Variants in SLC66A1 observed in about 807,000 individuals in gnomAD.
SLC66A1 encodes lysosomal amino acid transporter 1 homolog.
Under a neutral mutation model 33.0 loss-of-function variants are expected in SLC66A1, and 23 were observed. The observed-to-expected ratio is 0.70, with a 90% CI of 0.50 to 0.99. SLC66A1 has a LOEUF of 0.99. SLC66A1 is among the 50% of genes least tolerant of loss of function. SLC66A1 has a pLI of 0.00. For synonymous variants in SLC66A1, 164 were observed against 175.5 expected, an observed-to-expected ratio of 0.93 and a Z score of 0.52; for missense variants, 335 against 383.6, an observed-to-expected ratio of 0.87 and a Z score of 1.06.
Position 19,326,555 on chromosome 1 carries a change from G to A in SLC66A1, c.550G>A (p.Gly184Ser). ...SKPFTRQEVI[G>S]FVIGSISSVL... ...GCCCTTCACCCGGCAGGAAGTCATT[G>A]GCTTCGTCATCGGCTCCATCTCCAG... Residue 184 changes from glycine (G) to serine (S), a missense_variant, in exon 6 of 8, where the codon GGC becomes AGC. Transcript: ENST00000375153. 6.2e-7 allele frequency: 1 copy of A among 1,614,224 alleles called. No homozygotes were observed. The highest frequency in any genetic ancestry group is 8.5e-7 in the Non-Finnish European group (1 of 1,180,038).
intron 1 of SLC66A1, among the ~76,000 whole-genome samples, chr1:19,317,223 C>G (rs779751898): frequency 6.6e-6 from 1 of 152,160 alleles, no homozygotes; most frequent in Non-Finnish European, 1.5e-5. Context: ...TATGAACTCA[C>G]TGAACCCACA....
chr1:19,318,200 G>T (rs74058552), intron 2 of SLC66A1, among the ~76,000 whole-genome samples: 1 of 152,170 alleles, frequency 6.6e-6, no homozygotes, highest in Admixed American at 6.5e-5. Flanking sequence ...ACCCAGAGAA[G>T]TTAAGCAATT....
At chr1:19,319,605 G>GGTTTTTTTTTTTTTTTTTT (rs2093823237) in intron 2 of SLC66A1, among the ~76,000 whole-genome samples, 1 of 111,870 alleles carries the variant, frequency 8.9e-6, no homozygotes, top group African/African-American at 4.0e-5. Flanking sequence ...GCACATTCAT[G>GGTTTTTTTTTTTTTTTTTT]TTTTTTTTTT....
In SLC66A1 at chr1:19,327,340, C is replaced by CGAG; in HGVS notation, c.734_736dup (p.Glu245dup). 1.2e-6 allele frequency: 2 copies of CGAG among 1,612,066 alleles called. No individual in the cohort carries two copies. Among genetic ancestry groups the CGAG allele is most frequent in the Non-Finnish European group, 1.7e-6 (2 of 1,179,030 alleles). On this transcript the variant is annotated inframe_insertion, in exon 7 of 8. Transcript: ENST00000375153. Reference sequence around the variant, plus strand: ...TCAAAAACCCCGAGGAGGGCCAGAGCGAGGGCAGCTACCTGCTGCACCACC... The same window carrying CGAG: ...TCAAAAACCCCGAGGAGGGCCAGAGCGAGGAGGGCAGCTACCTGCTGCACCACC...
At chr1:19,320,232 TTTTA>T (rs2093827566) in intron 2 of SLC66A1, among the ~76,000 whole-genome samples, 1 of 151,784 alleles carries the variant, frequency 6.6e-6, no homozygotes, top group African/African-American at 2.4e-5. Context: ...GGAAATATGT[TTTTA>T]TTTCTCTTGA....
At chr1:19,320,582 T>C (rs965006042) in intron 2 of SLC66A1, among the ~76,000 whole-genome samples, 9 of 149,926 alleles carry the variant, frequency 6.0e-5, no homozygotes, top group East Asian at 2.0e-4. Flanking sequence ...CCTGGCTAAT[T>C]TTTTGTATTT....
At position 19,327,398 on chromosome 1, in the gene SLC66A1, C is replaced by T; in HGVS notation, c.790C>T (p.Leu264=). 1 of 1,593,798 alleles carries T rather than the reference C, an allele frequency of 6.3e-7. No individual in the cohort carries two copies. The highest frequency in any genetic ancestry group is 8.5e-7 in the Non-Finnish European group (1 of 1,169,892). ...GCTTGTGGGCAGCCTGGGCGTGCTG[C>T]TGCTCGACACCATCGTATCCTTCAG... ...PWLVGSLGVL[L]LDTIISIQFL... Residue 264 remains leucine, a synonymous_variant, in exon 7 of 8, where the codon CTG becomes TTG. Transcript: ENST00000375153.
rs1375564701 is a variant in SLC66A1 at position 19,312,729 on chromosome 1, G to A, written c.-239G>A. On this transcript the variant is annotated 5_prime_UTR_variant, in exon 1 of 8. Coordinates refer to ENST00000375153, the MANE Select transcript of SLC66A1 (RefSeq NM_001040125.2). ...GTCCTATCATTATCCCTCCAAACAG[G>A]CGGCCCGCGCCGGGCTGAGTCACCA... The A allele has an allele frequency of 1.3e-5, 2 of 152,786 alleles. No individual in the cohort carries two copies. Among genetic ancestry groups the A allele is most frequent in the Non-Finnish European group, 2.9e-5 (2 of 68,128 alleles). 9.5% of individuals were successfully genotyped at this position (152,786 alleles called of 1,614,324 possible). A position where few individuals can be genotyped will look rare whatever the true frequency, so the allele number is the denominator to read the frequency against.
Position 19,317,737 on chromosome 1 carries a change from G to C in SLC66A1, c.60G>C (p.Gln20His). ...CCAGCTGCCCCAGTGGCTCCATCCAGTGGATATGGGATGTGTTGGGTGAAT... is the reference window on the plus strand; with the variant it reads ...CCAGCTGCCCCAGTGGCTCCATCCACTGGATATGGGATGTGTTGGGTGAAT... ...NFSSCPSGSI[Q>H]WIWDVLGECA... is the part of the protein sequence containing the mutation. The change falls in exon 2 of 8, where the codon CAG (glutamine) becomes CAC (histidine). Residue 20 changes from glutamine (Q) to histidine (H), a missense_variant. Transcript: ENST00000375153. The C allele has an allele frequency of 6.2e-7, 1 of 1,614,214 alleles. No homozygotes were observed. Among genetic ancestry groups the C allele is most frequent in the African/African-American group, 1.3e-5 (1 of 75,060 alleles).
At chr1:19,314,575 A>T (rs1177806350) in intron 1 of SLC66A1, among the ~76,000 whole-genome samples, 1 of 152,228 alleles carries the variant, frequency 6.6e-6, no homozygotes, top group Non-Finnish European at 1.5e-5. Context: ...GTTGTCAGGC[A>T]CAGGGCTGAG....
At chr1:19,319,621 T>TTTTTTGTTTTGTTTTTTTTTTTTTTG (rs1343830305) in intron 2 of SLC66A1, among the ~76,000 whole-genome samples, 1 of 149,082 alleles carries the variant, frequency 6.7e-6, no homozygotes, top group African/African-American at 2.5e-5. Context: ...TTTTTTTTTT[T>TTTTTTGTTTTGTTTTTTTTTTTTTTG]GCCTGGTGCA....
intron 2 of SLC66A1, among the ~76,000 whole-genome samples, chr1:19,321,901 A>G (rs145791437): frequency 8.4e-4 from 128 of 152,246 alleles, no homozygotes; most frequent in African/African-American, 2.9e-3. Context: ...TGTTGGAAAG[A>G]CTGTCCTTCC....
chr1:19,329,593 G>A (rs1305310571), downstream of SLC66A1, among the ~76,000 whole-genome samples: 1 of 152,228 alleles, frequency 6.6e-6, no homozygotes, highest in African/African-American at 2.4e-5. Flanking sequence ...TGTTGGATCT[G>A]GGTTCTCCAT....
chr1:19,325,107 C>T (rs1325497770), intron 3 of SLC66A1, among the ~76,000 whole-genome samples: 6 of 152,210 alleles, frequency 3.9e-5, no homozygotes, highest in African/African-American at 4.8e-5. Flanking sequence ...TGCCATCCTG[C>T]TCCTGTGGGC....
At chr1:19,327,662 C>G (rs919564497) in intron 7 of SLC66A1, 7 of 690,206 alleles carry the variant, frequency 1.0e-5, no homozygotes, top group Non-Finnish European at 1.6e-5. Context: ...AGCTTACAGC[C>G]CAGCGGGGCG....
chr1:19,326,188 C>G, intron 4 of SLC66A1, 57 bp from the exon 5 acceptor site: 1 of 1,546,036 alleles, frequency 6.5e-7, no homozygotes, highest in South Asian at 1.2e-5. Context: ...GCACCCTCCC[C>G]CGACAACCGC....
Position 19,328,823 on chromosome 1 carries a change from C to CGGG in SLC66A1, c.*182_*184dup. 1.5e-6 allele frequency: 1 copy of CGGG among 684,524 alleles called. No homozygotes were observed. Among genetic ancestry groups the CGGG allele is most frequent in the East Asian group, 2.8e-5 (1 of 36,360 alleles). 42.4% of individuals were successfully genotyped at this position (684,524 alleles called of 1,614,324 possible). On this transcript the variant is annotated 3_prime_UTR_variant, in exon 8 of 8. Coordinates refer to ENST00000375153, the MANE Select transcript of SLC66A1 (RefSeq NM_001040125.2). This position sits in a 1 kb window ranked among gnomAD's most constrained non-coding sequence, Gnocchi z 4.7. ...CAGGTAGACCCCGAAGCCTCAAGGC[C>CGGG]GGGGCTGGAGCGGAGACCCCAGGGC...
At chr1:19,327,700 G>T in intron 7 of SLC66A1, 1 of 605,074 alleles carries the variant, frequency 1.7e-6, no homozygotes, top group South Asian at 1.5e-5. Flanking sequence ...TATCATCAAA[G>T]AATTACTTCA....
chr1:19,331,014 GT>G (rs1019586392), downstream of SLC66A1, among the ~76,000 whole-genome samples: 47 of 151,852 alleles, frequency 3.1e-4, no homozygotes, highest in African/African-American at 1.1e-3. Context: ...AGATGGGGGA[GT>G]TTTTATTTTT....
Sources: allele counts gnomAD v4.1 joint callset (sites outside exome capture counted in the v4.1 genomes callset), GRCh38; gene constraint gnomAD v4.1.1; non-coding constraint Gnocchi (gnomAD v3.1); transcripts MANE v1.5; gene names NCBI Gene and HGNC (gene_info 2026-07-23, HGNC 2026-07-21).